PRIM1: variants seen among roughly 807,000 people sequenced by gnomAD.
PRIM1 encodes DNA primase subunit 1, also known as DNA primase small subunit.
In PRIM1, 38 loss-of-function variants were observed where a neutral mutation model predicts 60.2. The observed-to-expected ratio is 0.63, with a 90% CI of 0.49 to 0.83. The LOEUF is 0.83. Among genes scored for constraint, PRIM1 ranks in the 40% least tolerant of loss-of-function variants. The pLI is 0.00. For synonymous variants in PRIM1, 158 were observed against 160.2 expected, an observed-to-expected ratio of 0.99 and a Z score of 0.10; for missense variants, 388 against 506.2, an observed-to-expected ratio of 0.77 and a Z score of 2.24.
intron 12 of PRIM1, among the ~76,000 whole-genome samples, chr12:56,732,997 G>C (rs889890511): frequency 6.6e-6 from 1 of 151,388 alleles, no homozygotes; most frequent in Non-Finnish European, 1.5e-5. Context: ...TGGGATTACA[G>C]GCGCACAATA....
intron 2 of PRIM1, among the ~76,000 whole-genome samples, 160 bp downstream of exon 2, chr12:56,750,878 G>C (rs1406299999): frequency 6.6e-6 from 1 of 151,836 alleles, no homozygotes; most frequent in Non-Finnish European, 1.5e-5. Context: ...AATGCAGAAC[G>C]TCAAAGAACA....
intron 7 of PRIM1, 129 bp from the exon 8 acceptor site, chr12:56,741,966 A>C: frequency 2.1e-6 from 2 of 958,492 alleles, no homozygotes; most frequent in Non-Finnish European, 3.2e-6. Context: ...TGAAATATAA[A>C]TGTTGACTGG....
At chr12:56,742,890 T>C (rs1399914164) in intron 7 of PRIM1, 97 bp downstream of exon 7, 4 of 859,978 alleles carry the variant, frequency 4.7e-6, no homozygotes, top group Non-Finnish European at 6.9e-6. Context: ...ATTAAACTTA[T>C]AAGTATATGA....
intron 11 of PRIM1, among the ~76,000 whole-genome samples, chr12:56,734,457 T>C (rs1261201382): frequency 6.6e-6 from 1 of 152,084 alleles, no homozygotes; most frequent in Non-Finnish European, 1.5e-5. Flanking sequence ...TGAAGTACAG[T>C]GGTTCCGTCT....
chr12:56,741,590 C>T lies in PRIM1; in HGVS notation c.841-14G>A. On this transcript the variant is annotated splice_polypyrimidine_tract_variant and intron_variant, in intron 8 of 12. Coordinates refer to ENST00000338193, the MANE Select transcript of PRIM1 (RefSeq NM_000946.3). ...TTTGATGTTATTCTAAAAGCAGATACAAGGCCAACATGAGGATCAGTAGGA... is the reference window on the plus strand; with the variant it reads ...TTTGATGTTATTCTAAAAGCAGATATAAGGCCAACATGAGGATCAGTAGGA... 1.2e-6 allele frequency: 2 copies of T among 1,605,880 alleles called. No individual in the cohort carries two copies. The highest frequency in any genetic ancestry group is 1.7e-6 in the Non-Finnish European group (2 of 1,177,606).
chr12:56,750,801 CTAGA>C (rs1191847444), intron 2 of PRIM1, among the ~76,000 whole-genome samples: 8 of 152,174 alleles, frequency 5.3e-5, no homozygotes, highest in Admixed American at 2.0e-4. Context: ...TTCCTAGTAG[CTAGA>C]TACTCAATTT....
At chr12:56,738,362 T>C (rs1953848276) in intron 11 of PRIM1, 72 bp downstream of exon 11, 2 of 1,514,584 alleles carry the variant, frequency 1.3e-6, no homozygotes, top group African/African-American at 2.8e-5. Context: ...AGAGAATTAA[T>C]TACTGGAGTG....
chr12:56,752,217 G>C lies in PRIM1; in HGVS notation c.82C>G (p.Arg28Gly), dbSNP rs1172613154. The C allele has an allele frequency of 6.2e-7, 1 of 1,601,300 alleles. No individual in the cohort carries two copies. The highest frequency in any genetic ancestry group is 8.5e-7 in the Non-Finnish European group (1 of 1,173,714). ...TCACCTCCACCGTAGTTGAGCCAGC[G>C]ATAGTACTGAGAGTAGGGAAAGAGC... Reference protein sequence around the residue: ...RRLFPYSQYYRWLNYGGVIKN... With the variant: ...RRLFPYSQYYGWLNYGGVIKN... Residue 28 changes from arginine to glycine, a missense_variant, in exon 1 of 13, where the codon CGC (arginine) becomes GGC (glycine). Arg to Gly is a moderately radical substitution (Grantham distance 125). This residue lies in a region of PRIM1 where 156 missense variants were observed against 175.8 expected (regional missense o/e 0.89). Transcript: ENST00000338193.
At chr12:56,744,477 G>A (rs1440931548) in intron 5 of PRIM1, among the ~76,000 whole-genome samples, 3 of 151,734 alleles carry the variant, frequency 2.0e-5, no homozygotes, top group Non-Finnish European at 4.4e-5. Context: ...AGGGTGACAA[G>A]AGCGAGACTC....
At chr12:56,741,346 T>G in intron 9 of PRIM1, 89 bp downstream of exon 9, 1 of 1,310,626 alleles carries the variant, frequency 7.6e-7, no homozygotes, top group Non-Finnish European at 1.0e-6. Context: ...ATCATAGACA[T>G]TATATATATT....
chr12:56,736,771 T>C (rs530563770), intron 11 of PRIM1, among the ~76,000 whole-genome samples: 1 of 152,112 alleles, frequency 6.6e-6, no homozygotes, highest in Non-Finnish European at 1.5e-5. Context: ...CCCAGAGTGC[T>C]GGGATTACAG....
rs1953785602 is a variant in PRIM1 at position 56,731,619 on chromosome 12, A to G, written c.*96T>C. 8.6e-7 allele frequency: 1 copy of G among 1,157,284 alleles called. No homozygotes were observed. Among genetic ancestry groups the G allele is most frequent in the Admixed American group, 2.7e-5 (1 of 36,754 alleles). The allele number at this position is 1,157,284 out of a possible 1,614,324, so 71.7% of individuals were successfully genotyped here. On this transcript the variant is annotated 3_prime_UTR_variant, in exon 13 of 13. Transcript: ENST00000338193. ...AAATTTACTTTGAGGTTTAAGACAC[A>G]TATATAGTTCTGCCATATTTATTAA...
At chr12:56,745,338 G>C (rs980918044) in intron 5 of PRIM1, among the ~76,000 whole-genome samples, 2 of 151,770 alleles carry the variant, frequency 1.3e-5, no homozygotes, top group Admixed American at 1.3e-4. Context: ...TTGAGACCAG[G>C]AGGTCAAGGC....
intron 11 of PRIM1, 148 bp from the exon 12 acceptor site, chr12:56,734,393 C>T (rs1953807867): frequency 1.9e-6 from 1 of 529,554 alleles, no homozygotes; most frequent in Non-Finnish European, 3.3e-6. Flanking sequence ...ATATTAGTCA[C>T]ATTAAAAAAG....
chr12:56,731,678 G>T lies in PRIM1; in HGVS notation c.*37C>A. Reference sequence around the variant, plus strand: ...TGAAGTATTTGATCTGTGGTTGAAGGCAGAAGATATCCACAATGGTTTGAG... The same window carrying T: ...TGAAGTATTTGATCTGTGGTTGAAGTCAGAAGATATCCACAATGGTTTGAG... On this transcript the variant is annotated 3_prime_UTR_variant, in exon 13 of 13. Coordinates refer to ENST00000338193, the MANE Select transcript of PRIM1 (RefSeq NM_000946.3). The T allele has an allele frequency of 6.7e-7, 1 of 1,490,846 alleles. No homozygotes were observed. The highest frequency in any genetic ancestry group is 9.1e-7 in the Non-Finnish European group (1 of 1,097,886). 92.4% of individuals were successfully genotyped at this position (1,490,846 alleles called of 1,614,324 possible).
At chr12:56,739,727 G>A (rs1167971848) in intron 9 of PRIM1, among the ~76,000 whole-genome samples, 2 of 152,128 alleles carry the variant, frequency 1.3e-5, no homozygotes, top group African/African-American at 2.4e-5. Context: ...TTTTTGTTGA[G>A]TTGGGGTCTC....
intron 2 of PRIM1, among the ~76,000 whole-genome samples, chr12:56,750,765 C>G (rs1953945229): frequency 6.6e-6 from 1 of 152,064 alleles, no homozygotes; most frequent in South Asian, 2.1e-4. Flanking sequence ...AATTATTTCC[C>G]TTTCCTAAAT....
chr12:56,744,191 G>A (rs920691504), intron 5 of PRIM1, 68 bp from the exon 6 acceptor site: 8 of 1,205,478 alleles, frequency 6.6e-6, no homozygotes, highest in African/African-American at 1.5e-5. Context: ...GCAGCATAAC[G>A]ACATTTTAGT....
Position 56,742,104 on chromosome 12 carries a change from T to C in PRIM1, c.749-267A>G, listed in dbSNP as rs1021668604. 14 of 417,478 alleles carry C rather than the reference T, an allele frequency of 3.4e-5. No homozygotes were observed. In the Admixed American group the frequency reaches 5.1e-4, roughly 15 times the overall value. The allele number at this position is 417,478 out of a possible 1,614,324, so 25.9% of individuals were successfully genotyped here. On this transcript the variant is annotated intron_variant, in intron 7 of 12. Transcript: ENST00000338193. Reference sequence around the variant, plus strand: ...CCCATCTCTACTAAAAATAGAAAAATCAGCAGGGCATGGTGGTGCACATCT... The same window carrying C: ...CCCATCTCTACTAAAAATAGAAAAACCAGCAGGGCATGGTGGTGCACATCT...
Sources: gnomAD v4.1 joint callset for allele counts (sites outside exome capture counted in the v4.1 genomes callset) on GRCh38, gnomAD v4.1.1 for gene constraint, gnomAD v4.1.1 regional missense constraint, MANE v1.5 for transcripts, NCBI Gene and HGNC (gene_info 2026-07-23, HGNC 2026-07-21) for gene names.